The following CFAP299 variants were observed in gnomAD, a reference collection of about 807,000 sequenced individuals.
The protein encoded by CFAP299 is cilia and flagella associated protein 299, also known as cilia- and flagella-associated protein 299.
Under a neutral mutation model 27.0 loss-of-function variants are expected in CFAP299, and 21 were observed. The observed-to-expected ratio is 0.78, with a 90% CI of 0.55 to 1.12. The LOEUF (loss-of-function observed/expected upper bound fraction) is 1.12, where lower values mean the gene tolerates loss of function less well. Ranked by LOEUF, CFAP299 falls within the 50% of genes most tolerant of loss-of-function variation. CFAP299 has a pLI of 0.00. For synonymous variants in CFAP299, 104 were observed against 98.1 expected, an observed-to-expected ratio of 1.06 and a Z score of -0.36; for missense variants, 310 against 276.6, an observed-to-expected ratio of 1.12 and a Z score of -0.86.
intron 1 of CFAP299, among the ~76,000 whole-genome samples, chr4:80,343,638 A>C (rs1722575251): frequency 6.6e-6 from 1 of 151,788 alleles, no homozygotes; most frequent in South Asian, 2.1e-4. Context: ...AAATACAAAA[A>C]ATTAGCCAGG....
rs776374556 is a variant in CFAP299, at chr4:80,870,037, A to T, written c.378A>T (p.Ile126=). Residue 126 remains isoleucine, a synonymous_variant, in exon 4 of 6, where the codon ATA becomes ATT. Transcript: ENST00000358105. ...IRDRNSHGQE[I]SGYIDYAHRL... is the part of the protein sequence containing the mutation. ...ACAGAAATTCTCATGGGCAAGAGATATCAGGATACATCGACTATGCCCACA... is the reference window on the plus strand; with the variant it reads ...ACAGAAATTCTCATGGGCAAGAGATTTCAGGATACATCGACTATGCCCACA... 1 of 1,613,848 alleles carries T rather than the reference A, an allele frequency of 6.2e-7. No individual in the cohort carries two copies. The highest frequency in any genetic ancestry group is 2.2e-5 in the East Asian group (1 of 44,852).
chr4:80,842,178 G>GT (rs1269147998), intron 3 of CFAP299, among the ~76,000 whole-genome samples: 2 of 152,126 alleles, frequency 1.3e-5, no homozygotes, highest in African/African-American at 4.8e-5. Context: ...GCTACTGTAT[G>GT]TTGTTGAGCA....
intron 3 of CFAP299, among the ~76,000 whole-genome samples, chr4:80,656,467 C>T (rs1234682900): frequency 1.3e-5 from 2 of 152,076 alleles, no homozygotes; most frequent in Admixed American, 6.6e-5. Flanking sequence ...TGAGTGAGAA[C>T]ATGCAGTGTT....
chr4:80,680,338 T>G (rs538465919), intron 3 of CFAP299, among the ~76,000 whole-genome samples: 1 of 152,294 alleles, frequency 6.6e-6, no homozygotes, highest in East Asian at 1.9e-4. Context: ...CAGTTTATAC[T>G]TCTAGCGTAA....
chr4:80,678,678 A>G (rs1276846858), intron 3 of CFAP299, among the ~76,000 whole-genome samples: 2 of 152,066 alleles, frequency 1.3e-5, no homozygotes, highest in Admixed American at 1.3e-4. Context: ...AATTATTAGT[A>G]TCATCCTCTT....
At chr4:80,668,158 A>ATTT (rs33953018) in intron 3 of CFAP299, among the ~76,000 whole-genome samples, 25 of 149,758 alleles carry the variant, frequency 1.7e-4, no homozygotes, top group Middle Eastern at 3.4e-3. Context: ...TTTTAAATAA[A>ATTT]TTTTTTTTTT....
At chr4:80,931,179 G>A (rs1736598351) in intron 4 of CFAP299, among the ~76,000 whole-genome samples, 1 of 150,306 alleles carries the variant, frequency 6.7e-6, no homozygotes, top group Middle Eastern at 3.2e-3. Flanking sequence ...GAGTGAGTGA[G>A]TGAGTGAGTG....
intron 2 of CFAP299, among the ~76,000 whole-genome samples, chr4:80,531,528 C>G (rs750751206): frequency 1.3e-5 from 2 of 152,128 alleles, no homozygotes; most frequent in Non-Finnish European, 2.9e-5. Flanking sequence ...AAATTTCCAT[C>G]TTTTATTATC....
chr4:80,905,822 A>G (rs2005387), intron 4 of CFAP299, among the ~76,000 whole-genome samples: 46,625 of 152,050 alleles, frequency 0.31, 10,639 homozygotes, highest in African/African-American at 0.64. Flanking sequence ...CCTCCCACTG[A>G]GCTCCTCCCA....
intron 2 of CFAP299, among the ~76,000 whole-genome samples, chr4:80,524,162 G>C (rs1485146400): frequency 1.3e-5 from 2 of 152,106 alleles, no homozygotes; most frequent in African/African-American, 4.8e-5. Context: ...AGCCTCATCT[G>C]TGTTTTCTTT....
At chr4:80,681,578 C>T (rs894781034) in intron 3 of CFAP299, among the ~76,000 whole-genome samples, 27 of 152,056 alleles carry the variant, frequency 1.8e-4, no homozygotes, top group African/African-American at 4.8e-4. Context: ...TCTTTAGTTG[C>T]CCAGGAACCT....
intron 2 of CFAP299, among the ~76,000 whole-genome samples, chr4:80,388,995 A>G (rs570980093): frequency 6.6e-6 from 1 of 152,208 alleles, no homozygotes; most frequent in African/African-American, 2.4e-5. Context: ...GGGTGTGTAC[A>G]TGTGTTTTTG....
chr4:80,354,023 G>T (rs1192918650), intron 1 of CFAP299, among the ~76,000 whole-genome samples: 4 of 152,180 alleles, frequency 2.6e-5, no homozygotes, highest in Non-Finnish European at 4.4e-5. Context: ...AAGACTGTTT[G>T]CAGATATTTT....
the CFAP299 span, among the ~76,000 whole-genome samples, chr4:80,325,723 A>G: frequency 2.4e-4 from 36 of 152,366 alleles, 1 homozygote; most frequent in East Asian, 6.9e-3. Context: ...CCATCCAGGC[A>G]TATATTCTGG....
chr4:80,354,671 C>T (rs1723178224), intron 1 of CFAP299, among the ~76,000 whole-genome samples: 1 of 152,016 alleles, frequency 6.6e-6, no homozygotes, highest in Admixed American at 6.6e-5. Context: ...CTTCCTTCTC[C>T]CATCCTCCTC....
intron 2 of CFAP299, among the ~76,000 whole-genome samples, chr4:80,397,158 T>A (rs1725847812): frequency 6.6e-6 from 1 of 152,152 alleles, no homozygotes; most frequent in African/African-American, 2.4e-5. Flanking sequence ...ATTTTCTAGT[T>A]TATTTGCGTA....
intron 2 of CFAP299, among the ~76,000 whole-genome samples, chr4:80,475,363 G>A (rs1208735316): frequency 6.6e-6 from 1 of 152,214 alleles, no homozygotes; most frequent in South Asian, 2.1e-4. Flanking sequence ...TAGTGGCTTG[G>A]TCCAGGGAGG....
intron 2 of CFAP299, among the ~76,000 whole-genome samples, chr4:80,555,621 A>C (rs1307763921): frequency 6.6e-6 from 1 of 152,036 alleles, no homozygotes; most frequent in Non-Finnish European, 1.5e-5. Flanking sequence ...TAAGTCCATC[A>C]GTTCCTGGGC....
At chr4:80,779,655 C>T (rs888418880) in intron 3 of CFAP299, among the ~76,000 whole-genome samples, 3 of 151,978 alleles carry the variant, frequency 2.0e-5, no homozygotes, top group African/African-American at 7.2e-5. Context: ...CTTCCTTCAG[C>T]CTCTTCCAAC....
Sources: allele counts gnomAD v4.1 joint callset (sites outside exome capture counted in the v4.1 genomes callset), GRCh38; gene constraint gnomAD v4.1.1; transcripts MANE v1.5; gene names NCBI Gene and HGNC (gene_info 2026-07-23, HGNC 2026-07-21).